The following CYP46A1 variants were observed in gnomAD, a reference collection of about 807,000 sequenced individuals.
The protein encoded by CYP46A1 is cholesterol 24-hydroxylase.
A neutral mutation model predicts 63.3 loss-of-function variants in CYP46A1; 20 were observed. The observed-to-expected ratio is 0.32, with a 90% CI of 0.22 to 0.46. CYP46A1 has a LOEUF of 0.46. Among genes scored for constraint, CYP46A1 ranks in the 20% least tolerant of loss-of-function variants. The pLI is 1.00. For missense variants in CYP46A1, 445 were observed against 670.8 expected, an observed-to-expected ratio of 0.66 and a Z score of 3.72; for synonymous variants, 268 against 273.6, an observed-to-expected ratio of 0.98 and a Z score of 0.20.
chr14:99,719,098 A>G (rs2056819889), intron 10 of CYP46A1, among the ~76,000 whole-genome samples: 2 of 150,896 alleles, frequency 1.3e-5, no homozygotes, highest in South Asian at 4.2e-4. Flanking sequence ...TCCCAAATCC[A>G]CTCTTTAAAA....
chr14:99,688,011 T>C (rs1444801575), intron 1 of CYP46A1, among the ~76,000 whole-genome samples: 1 of 151,802 alleles, frequency 6.6e-6, no homozygotes, highest in Non-Finnish European at 1.5e-5. Flanking sequence ...TGGTGGGCCA[T>C]GAGGACCCCA....
At chr14:99,724,953 C>G (rs561947598) in intron 12 of CYP46A1, among the ~76,000 whole-genome samples, 1 of 152,338 alleles carries the variant, frequency 6.6e-6, no homozygotes, top group Non-Finnish European at 1.5e-5. Context: ...TGAAGTAGGC[C>G]TTGAGTTGAA....
chr14:99,684,639 G>C, intron 1 of CYP46A1, 103 bp downstream of exon 1: 1 of 978,882 alleles, frequency 1.0e-6, no homozygotes, highest in Non-Finnish European at 1.5e-6. Flanking sequence ...CTCGCCTAGT[G>C]CGCGCGGCCG....
At chr14:99,684,633 C>T in intron 1 of CYP46A1, 97 bp downstream of exon 1, 1 of 1,109,884 alleles carries the variant, frequency 9.0e-7, no homozygotes, top group Non-Finnish European at 1.3e-6. Flanking sequence ...TCCGGCCTCG[C>T]CTAGTGCGCG....
At chr14:99,707,734 G>T in intron 7 of CYP46A1, 56 bp downstream of exon 7, 1 of 1,471,762 alleles carries the variant, frequency 6.8e-7, no homozygotes. Flanking sequence ...GTCTTCATTT[G>T]CTGAAGAACC....
intron 7 of CYP46A1, among the ~76,000 whole-genome samples, chr14:99,715,369 G>C (rs748177719): frequency 5.9e-5 from 9 of 152,228 alleles, no homozygotes; most frequent in Admixed American, 4.6e-4. Flanking sequence ...AAAGGGGAAA[G>C]GTGATAGCTG....
chr14:99,692,275 G>A (rs899723722), intron 3 of CYP46A1, among the ~76,000 whole-genome samples: 1 of 152,230 alleles, frequency 6.6e-6, no homozygotes, highest in African/African-American at 2.4e-5. Flanking sequence ...TGCTTACTAT[G>A]TACTTTTCTA....
At chr14:99,685,946 A>G (rs2056490238) in intron 1 of CYP46A1, among the ~76,000 whole-genome samples, 1 of 152,090 alleles carries the variant, frequency 6.6e-6, no homozygotes. Context: ...CAAAAATATT[A>G]TGTTCATTTT....
chr14:99,704,444 C>T (rs2056657867), intron 5 of CYP46A1, among the ~76,000 whole-genome samples: 1 of 152,056 alleles, frequency 6.6e-6, no homozygotes, highest in Non-Finnish European at 1.5e-5. Flanking sequence ...TCATCTCCAA[C>T]CATTACCCAC....
chr14:99,699,148 CTTTTCCTG>C (rs995366378), intron 3 of CYP46A1, among the ~76,000 whole-genome samples: 4 of 152,112 alleles, frequency 2.6e-5, no homozygotes, highest in African/African-American at 9.7e-5. Context: ...CAGCATTTGC[CTTTTCCTG>C]TTTTGCTGCT....
intron 9 of CYP46A1, 102 bp from the exon 10 acceptor site, chr14:99,717,952 T>A (rs992512073): frequency 2.2e-6 from 2 of 893,054 alleles, no homozygotes; most frequent in Non-Finnish European, 3.5e-6. Flanking sequence ...TGGGGGCACA[T>A]GCCATTTACA....
intron 11 of CYP46A1, 54 bp from the exon 12 acceptor site, chr14:99,721,902 T>G: frequency 1.3e-5 from 19 of 1,469,068 alleles, no homozygotes; most frequent in Non-Finnish European, 1.6e-5. Flanking sequence ...CCGGCCGGCA[T>G]GATCTGTGGC....
Position 99,726,875 on chromosome 14 carries a change from T to C in CYP46A1, c.*148T>C. Reference sequence around the variant, plus strand: ...AGCGGGCCCTCTGCCGACCGCCTGCTTCACACCCCTCAGCGCTCCCTGTCG... The same window carrying C: ...AGCGGGCCCTCTGCCGACCGCCTGCCTCACACCCCTCAGCGCTCCCTGTCG... On this transcript the variant is annotated 3_prime_UTR_variant, in exon 15 of 15. Coordinates refer to ENST00000261835, the MANE Select transcript of CYP46A1 (RefSeq NM_006668.2). The C allele has an allele frequency of 1.6e-6, 1 of 609,860 alleles. No individual in the cohort carries two copies. The highest frequency in any genetic ancestry group is 2.7e-6 in the Non-Finnish European group (1 of 377,014). 37.8% of individuals were successfully genotyped at this position (609,860 alleles called of 1,614,324 possible).
In CYP46A1 at chr14:99,726,381, G is replaced by A. The variant is rs2056898051; in HGVS notation, c.1332+125G>A. The A allele has an allele frequency of 5.0e-6, 6 of 1,206,288 alleles. No homozygotes were observed. In the South Asian group the frequency reaches 7.9e-5, roughly 16 times the overall value. The allele number at this position is 1,206,288 out of a possible 1,614,324, so 74.7% of individuals were successfully genotyped here. A position where few individuals can be genotyped will look rare whatever the true frequency, so the allele number is the denominator to read the frequency against. ...TGGGCTGTGGGCTCGGGACCCAGCG[G>A]AGCCAGACCCAGAGGACTGGCTGTG... On this transcript the variant is annotated intron_variant, in intron 14 of 14. Coordinates refer to ENST00000261835, the MANE Select transcript of CYP46A1 (RefSeq NM_006668.2).
At position 99,722,950 on chromosome 14, in the gene CYP46A1, C is replaced by T. The variant is rs10151332; in HGVS notation, c.1176+884C>T. 207,133 of 446,872 alleles carry T rather than the reference C, an allele frequency of 0.46. 51,233 individuals are homozygous for T. Among genetic ancestry groups the T allele is most frequent in the Admixed American group, 0.53 (22,316 of 42,094 alleles). The allele number at this position is 446,872 out of a possible 1,614,324, so 27.7% of individuals were successfully genotyped here. ...AGTGAGAGGGCTGGGTTGTAGGACC[C>T]CTGACTGTTCAGCTTTACAAACGAA... On this transcript the variant is annotated intron_variant, in intron 12 of 14. Transcript: ENST00000261835. This position sits in a 1 kb window ranked among gnomAD's most constrained non-coding sequence, Gnocchi z 4.6.
At chr14:99,701,671 A>G (rs768776231) in intron 5 of CYP46A1, among the ~76,000 whole-genome samples, 1 of 152,238 alleles carries the variant, frequency 6.6e-6, no homozygotes, top group Non-Finnish European at 1.5e-5. Flanking sequence ...TTCACATACC[A>G]TACAGCTCAC....
At chr14:99,690,716 A>G (rs2056535890) in intron 1 of CYP46A1, among the ~76,000 whole-genome samples, 1 of 152,112 alleles carries the variant, frequency 6.6e-6, no homozygotes. Flanking sequence ...CTGATCAGCC[A>G]TGTGGGGAGG....
At chr14:99,705,370 G>T (rs1173332628) in intron 5 of CYP46A1, among the ~76,000 whole-genome samples, 2 of 151,536 alleles carry the variant, frequency 1.3e-5, no homozygotes, top group Non-Finnish European at 2.9e-5. Flanking sequence ...ACCATGCCCA[G>T]CTAGTTTTTA....
At chr14:99,698,419 C>A (rs1053286980) in intron 3 of CYP46A1, among the ~76,000 whole-genome samples, 15 of 152,152 alleles carry the variant, frequency 9.9e-5, no homozygotes, top group African/African-American at 3.4e-4. Context: ...TCAGTTTCTC[C>A]ATCTGTATGT....
Sources: gnomAD v4.1 joint callset for allele counts (sites outside exome capture counted in the v4.1 genomes callset) on GRCh38, gnomAD v4.1.1 for gene constraint, Gnocchi (gnomAD v3.1) non-coding constraint, MANE v1.5 for transcripts, NCBI Gene and HGNC (gene_info 2026-07-23, HGNC 2026-07-21) for gene names.